Variants in MBNL1 observed in about 807,000 individuals in gnomAD.
MBNL1 encodes the protein muscleblind-like protein 1.
MBNL1 carries 8 observed loss-of-function variants against 42.2 expected under a neutral mutation model. The observed-to-expected ratio is 0.19, with a 90% CI of 0.11 to 0.34. MBNL1 has a LOEUF of 0.34. MBNL1 is among the 10% of genes least tolerant of loss of function. The pLI is 1.00. For missense variants in MBNL1, 309 were observed against 495.3 expected, an observed-to-expected ratio of 0.62 and a Z score of 3.57; for synonymous variants, 169 against 173.9, an observed-to-expected ratio of 0.97 and a Z score of 0.22.
chr3:152,389,336 A>T (rs2097575226), intron 2 of MBNL1, among the ~76,000 whole-genome samples: 2 of 152,080 alleles, frequency 1.3e-5, no homozygotes, highest in South Asian at 4.1e-4. Flanking sequence ...TGATCCACCC[A>T]CCTCAGCCTC....
intron 2 of MBNL1, among the ~76,000 whole-genome samples, chr3:152,328,256 A>C (rs1023149173): frequency 2.6e-5 from 4 of 152,186 alleles, no homozygotes; most frequent in African/African-American, 9.6e-5. Flanking sequence ...CTAGTAACAC[A>C]TTATTTTCTC....
upstream of MBNL1, chr3:152,265,520 C>T (rs1012775250): frequency 6.6e-6 from 1 of 152,048 alleles, no homozygotes; most frequent in Non-Finnish European, 1.5e-5. Context: ...CAGGCACTCA[C>T]ACACTTACAT....
rs1224601333 is a variant in MBNL1 at position 152,463,994 on chromosome 3, T to C, written c.*1628T>C. 6.6e-6 allele frequency: 1 copy of C among 152,614 alleles called. No individual in the cohort carries two copies. The highest frequency in any genetic ancestry group is 1.5e-5 in the Non-Finnish European group (1 of 67,994). The allele number at this position is 152,614 out of a possible 1,614,324, so 9.5% of individuals were successfully genotyped here. On this transcript the variant is annotated 3_prime_UTR_variant, in exon 10 of 10. Transcript: ENST00000324210. ...ATTGTACTGTACATCTATTAAAGCC[T>C]TAGATTATTACATTACGGGTTGGAA...
At chr3:152,297,920 C>T (rs539023014) in intron 1 of MBNL1, among the ~76,000 whole-genome samples, 14 of 152,222 alleles carry the variant, frequency 9.2e-5, no homozygotes, top group Admixed American at 2.0e-4. Flanking sequence ...TCCCAAAGTG[C>T]GGGGATTACA....
chr3:152,309,910 C>T (rs1050136463), intron 2 of MBNL1, among the ~76,000 whole-genome samples: 9 of 152,100 alleles, frequency 5.9e-5, no homozygotes, highest in African/African-American at 1.7e-4. Context: ...AAAAGCACAA[C>T]GAAGATTAAA....
At chr3:152,413,392 C>T (rs1302213423) in intron 2 of MBNL1, among the ~76,000 whole-genome samples, 1 of 152,178 alleles carries the variant, frequency 6.6e-6, no homozygotes, top group Non-Finnish European at 1.5e-5. Flanking sequence ...CAGAAGTTAG[C>T]TCCTTATGCA....
intron 2 of MBNL1, among the ~76,000 whole-genome samples, chr3:152,387,680 A>G (rs1341823795): frequency 6.6e-6 from 1 of 152,144 alleles, no homozygotes. Flanking sequence ...TTATGGCTGA[A>G]TAGTTCAACC....
intron 2 of MBNL1, among the ~76,000 whole-genome samples, chr3:152,379,493 A>G (rs2097084977): frequency 6.6e-6 from 1 of 152,152 alleles, no homozygotes; most frequent in African/African-American, 2.4e-5. Context: ...GACCTTTCCA[A>G]ATTGTTCAGA....
intron 1 of MBNL1, among the ~76,000 whole-genome samples, chr3:152,277,822 C>G (rs1483241605): frequency 1.3e-5 from 2 of 151,952 alleles, no homozygotes; most frequent in Non-Finnish European, 2.9e-5. Context: ...GAAAAATATT[C>G]TATTTATAAA....
At chr3:152,354,996 T>G (rs2095404716) in intron 2 of MBNL1, among the ~76,000 whole-genome samples, 1 of 152,222 alleles carries the variant, frequency 6.6e-6, no homozygotes, top group Admixed American at 6.5e-5. Flanking sequence ...TTGAATCTCC[T>G]TACCAAACTT....
At chr3:152,252,159 C>CCTTCCTTCCTTG (rs1357110352) in intron 2 of MBNL1, among the ~76,000 whole-genome samples, 4 of 145,908 alleles carry the variant, frequency 2.7e-5, no homozygotes, top group Admixed American at 6.9e-5. Context: ...TTCCTTCCTT[C>CCTTCCTTCCTTG]CTTCCTTCCT....
At chr3:152,446,772 C>T (rs764330696) in intron 5 of MBNL1, 1 of 1,607,628 alleles carries the variant, frequency 6.2e-7, no homozygotes, top group Non-Finnish European at 8.5e-7. Flanking sequence ...TATGACCTTT[C>T]ACCTTTTAGC....
Position 152,378,322 on chromosome 3 carries a change from A to G in MBNL1, c.175-36619A>G, listed in dbSNP as rs553193841. On this transcript the variant is annotated intron_variant, in intron 2 of 9. Coordinates refer to ENST00000324210, the MANE Select transcript of MBNL1 (RefSeq NM_021038.5). Reference sequence around the variant, plus strand: ...GCACTCCAGCCTGAGTGATAAAGCAAGACTCTATGTCTATTTTTTTTAAAA... The same window carrying G: ...GCACTCCAGCCTGAGTGATAAAGCAGGACTCTATGTCTATTTTTTTTAAAA... Among the ~76,000 whole-genome samples the G allele has an allele frequency of 6.6e-4, 100 of 152,332 alleles. 2 individuals carry two copies. The South Asian group carries it at 0.02, about 31-fold the overall frequency.
chr3:152,265,805 T>C (rs544564489), upstream of MBNL1: 30 of 152,346 alleles, frequency 2.0e-4, no homozygotes, highest in African/African-American at 7.2e-4. Flanking sequence ...ACCTTCTTTT[T>C]ATACTCATGG....
intron 2 of MBNL1, among the ~76,000 whole-genome samples, chr3:152,394,256 T>C (rs1206051224): frequency 6.6e-6 from 1 of 152,252 alleles, no homozygotes; most frequent in Non-Finnish European, 1.5e-5. Context: ...ACTAAATGTG[T>C]ACTGTGATTA....
intron 2 of MBNL1, among the ~76,000 whole-genome samples, chr3:152,402,924 A>T (rs1159345215): frequency 6.6e-6 from 1 of 152,156 alleles, no homozygotes; most frequent in Non-Finnish European, 1.5e-5. Flanking sequence ...GTCACCAGGG[A>T]AGGAAGATGT....
chr3:152,353,218 A>G (rs562586681), intron 2 of MBNL1, among the ~76,000 whole-genome samples: 7 of 152,190 alleles, frequency 4.6e-5, no homozygotes, highest in African/African-American at 7.2e-5. Flanking sequence ...CTTTCATCCA[A>G]CTACTCAGGA....
intron 2 of MBNL1, among the ~76,000 whole-genome samples, chr3:152,257,386 T>TA (rs1056644573): frequency 2.0e-5 from 3 of 152,172 alleles, no homozygotes; most frequent in African/African-American, 7.2e-5. Flanking sequence ...ACTTGGGGCT[T>TA]ATGATCACCC....
chr3:152,410,949 T>C (rs572932215), intron 2 of MBNL1, among the ~76,000 whole-genome samples: 2 of 152,254 alleles, frequency 1.3e-5, no homozygotes, highest in African/African-American at 2.4e-5. Context: ...CTGCTTGTTA[T>C]TAGCTTGAGA....
Sources: allele counts gnomAD v4.1 joint callset (sites outside exome capture counted in the v4.1 genomes callset), GRCh38; gene constraint gnomAD v4.1.1; transcripts MANE v1.5; gene names NCBI Gene and HGNC (gene_info 2026-07-23, HGNC 2026-07-21).